Variants in ZFHX3 observed in about 807,000 individuals in gnomAD.
ZFHX3 encodes zinc finger homeobox 3, also known as zinc finger homeobox protein 3.
A neutral mutation model predicts 279.1 loss-of-function variants in ZFHX3; 42 were observed. The ratio of observed to expected loss-of-function variants is 0.15; its 90% CI spans 0.12 to 0.19. The LOEUF is 0.19. ZFHX3 is among the 10% of genes least tolerant of loss of function. ZFHX3 has a pLI of 1.00. For missense variants in ZFHX3, 4,981 were observed against 4,754.0 expected (o/e 1.05, Z -1.40); for synonymous variants, 2,293 against 1,957.8 (o/e 1.17, Z -4.52).
Position 72,796,175 on chromosome 16 carries a change from G to A in ZFHX3, c.6507C>T (p.Ser2169=), listed in dbSNP as rs140014790. The A allele has an allele frequency of 9.3e-6, 15 of 1,613,912 alleles. No individual in the cohort carries two copies. Among genetic ancestry groups the A allele is most frequent in the Admixed American group, 1.7e-5 (1 of 59,988 alleles). Residue 2169 remains serine (S), a synonymous_variant, in exon 9 of 10, where the codon TCC becomes TCT. Transcript: ENST00000268489. ...TCTCTTTTATTTGCTCTTCACTGGG[G>A]GAGTTGTTAATGTCAAAATATTGCC... ...VLRQYFDINN[S]PSEEQIKEMA...
intron 5 of ZFHX3, among the ~76,000 whole-genome samples, chr16:73,252,073 A>G (rs571960009): frequency 1.3e-5 from 2 of 152,298 alleles, no homozygotes; most frequent in East Asian, 1.9e-4. Context: ...CCAGTCAGTA[A>G]TAACTGCTCA....
At position 72,957,870 on chromosome 16, in the gene ZFHX3, T is replaced by C; in HGVS notation, c.2276A>G (p.Asn759Ser). The C allele has an allele frequency of 6.2e-7, 1 of 1,614,098 alleles. No individual in the cohort carries two copies. The change falls in exon 2 of 10, where the codon AAT becomes AGT. Residue 759 changes from asparagine (N) to serine (S), a missense_variant. Physicochemically the swap from Asn to Ser is conservative, Grantham distance 46. Around this residue, in one of 7 missense-constraint regions of ZFHX3, gnomAD observed 1,751 missense variants for 1,770.0 expected, o/e 0.99. Coordinates refer to ENST00000268489, the MANE Select transcript of ZFHX3 (RefSeq NM_006885.4). Reference protein sequence around the residue: ...KHLNNMQNLQNGGGEQVFSHT... With the variant: ...KHLNNMQNLQSGGGEQVFSHT... Reference sequence around the variant, plus strand: ...GCTGAAGACCTGCTCCCCCCCTCCATTCTGCAGGTTCTGCATGTTGTTGAG... The same window carrying C: ...GCTGAAGACCTGCTCCCCCCCTCCACTCTGCAGGTTCTGCATGTTGTTGAG...
At chr16:73,415,478 C>T (rs1453304501) in intron 3 of ZFHX3, among the ~76,000 whole-genome samples, 1 of 152,176 alleles carries the variant, frequency 6.6e-6, no homozygotes, top group African/African-American at 2.4e-5. Flanking sequence ...ATGGATTCTT[C>T]AATCTGGGGA....
At chr16:73,105,491 C>CTTTGGG (rs1311293650) in intron 7 of ZFHX3, among the ~76,000 whole-genome samples, 2 of 141,980 alleles carry the variant, frequency 1.4e-5, no homozygotes, top group Non-Finnish European at 3.1e-5. Flanking sequence ...CTGGCTCACA[C>CTTTGGG]CTGTAATCCC....
chr16:73,178,044 C>T (rs868668642), intron 5 of ZFHX3, among the ~76,000 whole-genome samples: 17 of 152,208 alleles, frequency 1.1e-4, no homozygotes, highest in African/African-American at 4.1e-4. Flanking sequence ...TGAGATCTAC[C>T]TAACTGTAGC....
intron 1 of ZFHX3, among the ~76,000 whole-genome samples, chr16:73,035,088 A>C (rs1041093805): frequency 6.6e-6 from 1 of 152,206 alleles, no homozygotes; most frequent in Non-Finnish European, 1.5e-5. Flanking sequence ...CGAGCCTGTG[A>C]CATGTGGCTT....
intron 2 of ZFHX3, among the ~76,000 whole-genome samples, chr16:73,518,221 A>G (rs962677988): frequency 5.3e-5 from 8 of 152,222 alleles, no homozygotes; most frequent in Non-Finnish European, 1.2e-4. Flanking sequence ...CTAGTCACTG[A>G]GATCATCGCC....
At chr16:73,593,735 G>A (rs1034276649) in intron 2 of ZFHX3, among the ~76,000 whole-genome samples, 20 of 151,968 alleles carry the variant, frequency 1.3e-4, no homozygotes, top group East Asian at 9.6e-4. Context: ...AATCTTTTAC[G>A]GACACTGAGG....
intron 1 of ZFHX3, among the ~76,000 whole-genome samples, chr16:72,973,145 G>C (rs80126120): frequency 0.015 from 2,322 of 152,260 alleles, 28 homozygotes; most frequent in Non-Finnish European, 0.023. Context: ...CATGCCTAGT[G>C]TCCCACCAAC....
At chr16:73,550,264 G>T (rs887203854) in intron 2 of ZFHX3, among the ~76,000 whole-genome samples, 7 of 152,166 alleles carry the variant, frequency 4.6e-5, no homozygotes, top group African/African-American at 1.7e-4. Flanking sequence ...GACACCCTCA[G>T]TAACACTTAA....
At position 72,788,570 on chromosome 16, in the gene ZFHX3, CTT is replaced by C; in HGVS notation, c.9704_9705del (p.Lys3235ArgfsTer3). 6.2e-7 allele frequency: 1 copy of C among 1,614,062 alleles called. No homozygotes were observed. The highest frequency in any genetic ancestry group is 8.5e-7 in the Non-Finnish European group (1 of 1,180,012). ...PLQQQQQRKD[K>X]DSEKVKEKEK... ...TCCTTCTCCTTTACTTTCTCACTGT[CTT>C]TGTCCTTGCGTTGCTGCTGCTGTTG... is the stretch of plus-strand genomic sequence containing the variant. On this transcript the variant is annotated frameshift_variant, in exon 10 of 10. Transcript: ENST00000268489. LOFTEE classifies it high-confidence loss of function.
At chr16:73,648,934 A>G (rs2052645666) in intron 2 of ZFHX3, among the ~76,000 whole-genome samples, 1 of 152,202 alleles carries the variant, frequency 6.6e-6, no homozygotes, top group South Asian at 2.1e-4. Context: ...AATAAAGACT[A>G]ATTTTCTAGG....
At chr16:73,493,470 T>C (rs909455099) in intron 2 of ZFHX3, among the ~76,000 whole-genome samples, 1 of 152,178 alleles carries the variant, frequency 6.6e-6, no homozygotes, top group African/African-American at 2.4e-5. Context: ...CCAAGCTGAC[T>C]GGAGGAAGAC....
At chr16:73,843,085 T>C (rs1313175400) in intron 1 of ZFHX3, among the ~76,000 whole-genome samples, 2 of 152,226 alleles carry the variant, frequency 1.3e-5, no homozygotes, top group Non-Finnish European at 2.9e-5. Flanking sequence ...TTTTGCAGAA[T>C]TTTCCAGAAT....
intron 2 of ZFHX3, among the ~76,000 whole-genome samples, chr16:73,517,152 C>T (rs138036209): frequency 8.1e-4 from 123 of 152,268 alleles, no homozygotes; most frequent in African/African-American, 2.9e-3. Context: ...AAAGTGATAA[C>T]CTCCAAAGCG....
At position 73,851,253 on chromosome 16, in the gene ZFHX3, A is replaced by G. The variant is rs184069911; in HGVS notation, c.-1608+40398T>C. On this transcript the variant is annotated intron_variant, in intron 1 of 17. Coordinates refer to the ZFHX3 transcript ENST00000641206. The stretch of plus-strand genomic sequence containing the variant: ...GCAGGGCCCAGCACATAAGAGAATC[A>G]AGAGCCCACATGTTCTACCAGAGGT... 6.8e-3 allele frequency among the ~76,000 whole-genome samples: 1,024 copies of G among 150,986 alleles called. 6 individuals carry two copies. Among genetic ancestry groups the G allele is most frequent in the Non-Finnish European group, 8.7e-3 (590 of 68,012 alleles).
rs369004486 is a variant in ZFHX3, at chr16:73,579,877, T to C, written c.-1547+100303A>G. Among the ~76,000 whole-genome samples, 875 of 145,016 alleles carry C rather than the reference T, an allele frequency of 6.0e-3. 32 individuals are homozygous for C. Among genetic ancestry groups the C allele is most frequent in the African/African-American group, 0.021 (817 of 39,466 alleles). On this transcript the variant is annotated intron_variant, in intron 2 of 17. Coordinates refer to the ZFHX3 transcript ENST00000641206. ...GATTATATATATATATATATATACA[T>C]ACACACACATATAATGTATTAATAT...
At chr16:73,797,812 T>C (rs937868082) in intron 1 of ZFHX3, among the ~76,000 whole-genome samples, 7 of 143,536 alleles carry the variant, frequency 4.9e-5, no homozygotes, top group African/African-American at 1.8e-4. Flanking sequence ...GAAGACTTTT[T>C]TTTTTTTTTT....
chr16:73,871,323 A>G (rs1247483885), intron 1 of ZFHX3, among the ~76,000 whole-genome samples: 1 of 152,224 alleles, frequency 6.6e-6, no homozygotes, highest in Non-Finnish European at 1.5e-5. Context: ...CACTGAGGAT[A>G]TATTTTAAAC....
Sources: allele counts gnomAD v4.1 joint callset (sites outside exome capture counted in the v4.1 genomes callset), GRCh38; gene constraint gnomAD v4.1.1; regional missense constraint gnomAD v4.1.1; transcripts MANE v1.5; gene names NCBI Gene and HGNC (gene_info 2026-07-23, HGNC 2026-07-21).